The following GRIA1 variants were observed in gnomAD, a reference collection of about 807,000 sequenced individuals.
GRIA1 encodes glutamate receptor 1.
Under a neutral mutation model 99.2 loss-of-function variants are expected in GRIA1, and 31 were observed. The observed-to-expected ratio is 0.31, with a 90% confidence interval of 0.23 to 0.42. The LOEUF is 0.42. Ranked by LOEUF, GRIA1 falls within the 10% of genes least tolerant of loss-of-function variation. The probability of loss-of-function intolerance (pLI) is 1.00; values close to 1 mark genes in which losing one functional copy is unlikely to be tolerated. For synonymous variants in GRIA1, 438 were observed against 432.4 expected (o/e 1.01, Z -0.16); for missense variants, 782 against 1,157.5 (o/e 0.68, Z 4.71).
At chr5:153,602,344 C>T (rs1765049007) in intron 2 of GRIA1, among the ~76,000 whole-genome samples, 1 of 148,632 alleles carries the variant, frequency 6.7e-6, no homozygotes, top group South Asian at 2.1e-4. Flanking sequence ...AACACATGGA[C>T]ACAGGAAGGG....
chr5:153,642,042 G>T (rs895150378), intron 2 of GRIA1, among the ~76,000 whole-genome samples: 30 of 152,204 alleles, frequency 2.0e-4, no homozygotes, highest in African/African-American at 7.2e-4. Context: ...TATGTGTATA[G>T]ACTTCCCAGG....
chr5:153,764,397 G>A, intron 11 of GRIA1, 37 bp from the exon 12 acceptor site: 3 of 1,535,650 alleles, frequency 2.0e-6, no homozygotes, highest in Non-Finnish European at 2.7e-6. Flanking sequence ...CACAGTTGAT[G>A]TCCATGCTGC....
intron 2 of GRIA1, among the ~76,000 whole-genome samples, chr5:153,521,157 G>C (rs1467559397): frequency 6.6e-6 from 1 of 152,210 alleles, no homozygotes; most frequent in African/African-American, 2.4e-5. Context: ...TGTTAGCTTG[G>C]CATGAAGGAT....
At chr5:153,508,421 T>C (rs1262915897) in intron 2 of GRIA1, among the ~76,000 whole-genome samples, 1 of 152,050 alleles carries the variant, frequency 6.6e-6, no homozygotes, top group Admixed American at 6.5e-5. Flanking sequence ...TAGACAGTGC[T>C]AATCTAGATT....
intron 2 of GRIA1, among the ~76,000 whole-genome samples, chr5:153,506,316 G>GGTGTGTGTGTGTGTGTGTGTGT (rs61220170): frequency 1.1e-4 from 16 of 140,416 alleles, no homozygotes; most frequent in African/African-American, 3.8e-4. Flanking sequence ...TGGCAAGAAG[G>GGTGTGTGTGTGTGTGTGTGTGT]GTGTGTGTGT....
Position 153,712,524 on chromosome 5 carries a change from C to A in GRIA1, c.1823+6457C>A, listed in dbSNP as rs1446858436. Among the ~76,000 whole-genome samples, 5 of 152,028 alleles carry A rather than the reference C, an allele frequency of 3.3e-5. No homozygotes were observed. In the East Asian group the frequency reaches 9.6e-4, roughly 29 times the overall value. On this transcript the variant is annotated intron_variant, in intron 11 of 15. Transcript: ENST00000285900. ...ACCTTCCTCTTTCCCCTCTTTCCCCCTCCTGCTCTCTGTCCTCCCATCCCA... is the reference window on the plus strand; with the variant it reads ...ACCTTCCTCTTTCCCCTCTTTCCCCATCCTGCTCTCTGTCCTCCCATCCCA...
intron 2 of GRIA1, among the ~76,000 whole-genome samples, chr5:153,630,141 T>TA (rs1261908410): frequency 6.6e-6 from 1 of 152,214 alleles, no homozygotes; most frequent in Non-Finnish European, 1.5e-5. Context: ...CTTAAGCTGT[T>TA]ACAGAGATTA....
At chr5:153,686,397 G>A in intron 8 of GRIA1, 68 bp downstream of exon 8, 2 of 1,108,580 alleles carry the variant, frequency 1.8e-6, no homozygotes, top group Non-Finnish European at 1.4e-6. Flanking sequence ...CCAGAGCTGA[G>A]GGCCTGTGAG....
intron 2 of GRIA1, among the ~76,000 whole-genome samples, chr5:153,523,130 T>C (rs1253345197): frequency 6.6e-6 from 1 of 151,998 alleles, no homozygotes; most frequent in African/African-American, 2.4e-5. Context: ...CCTTGTCTGA[T>C]TGGGTAAGTT....
At chr5:153,789,316 T>G (rs1483451242) in intron 13 of GRIA1, among the ~76,000 whole-genome samples, 3 of 122,638 alleles carry the variant, frequency 2.4e-5, no homozygotes, top group Non-Finnish European at 3.8e-5. Flanking sequence ...CTTTTGATAT[T>G]ACATATATAT....
intron 2 of GRIA1, among the ~76,000 whole-genome samples, chr5:153,539,876 C>T (rs530467546): frequency 2.0e-5 from 3 of 152,266 alleles, no homozygotes; most frequent in East Asian, 1.9e-4. Flanking sequence ...AAGAGGTCTC[C>T]GTTTCAGCAG....
At chr5:153,788,791 A>G (rs1022524314) in intron 13 of GRIA1, among the ~76,000 whole-genome samples, 4 of 152,208 alleles carry the variant, frequency 2.6e-5, no homozygotes, top group African/African-American at 7.2e-5. Flanking sequence ...AGCTATATTC[A>G]TGGTTATTAA....
At chr5:153,577,448 C>T (rs1033190030) in intron 2 of GRIA1, among the ~76,000 whole-genome samples, 25 of 152,104 alleles carry the variant, frequency 1.6e-4, no homozygotes, top group African/African-American at 6.0e-4. Flanking sequence ...AGGCCCTCAC[C>T]CCTATGGCTG....
chr5:153,593,573 T>C (rs191576944), intron 2 of GRIA1, among the ~76,000 whole-genome samples: 109 of 151,278 alleles, frequency 7.2e-4, no homozygotes, highest in African/African-American at 2.4e-3. Context: ...TTTTTGTTTG[T>C]TTGCTTGCTT....
At chr5:153,678,826 T>TCCACGTCCAGCTGGGCC (rs1458175130) in intron 7 of GRIA1, among the ~76,000 whole-genome samples, 1 of 152,202 alleles carries the variant, frequency 6.6e-6, no homozygotes, top group Non-Finnish European at 1.5e-5. Flanking sequence ...AGAGCTGGAC[T>TCCACGTCCAGCTGGGCC]CCACGTCCAG....
At chr5:153,735,799 A>C (rs1761339950) in intron 11 of GRIA1, among the ~76,000 whole-genome samples, 1 of 152,214 alleles carries the variant, frequency 6.6e-6, no homozygotes, top group Non-Finnish European at 1.5e-5. Context: ...AGGGATAGAG[A>C]ACAGTTAATG....
intron 1 of GRIA1, among the ~76,000 whole-genome samples, chr5:153,491,886 G>A (rs1289924485): frequency 6.6e-6 from 1 of 152,100 alleles, no homozygotes; most frequent in Non-Finnish European, 1.5e-5. Flanking sequence ...TATTTCTGAG[G>A]GGACTGACAG....
intron 10 of GRIA1, among the ~76,000 whole-genome samples, chr5:153,700,114 G>A (rs1334249722): frequency 6.6e-6 from 1 of 152,238 alleles, no homozygotes; most frequent in Non-Finnish European, 1.5e-5. Context: ...GCCGGGCACA[G>A]TGGCTCACGC....
intron 5 of GRIA1, among the ~76,000 whole-genome samples, chr5:153,669,047 A>G (rs1486794825): frequency 6.6e-6 from 1 of 152,214 alleles, no homozygotes; most frequent in African/African-American, 2.4e-5. Flanking sequence ...GAAATTTCCA[A>G]AGGTCTCTTA....
Sources: gnomAD v4.1 joint callset for allele counts (sites outside exome capture counted in the v4.1 genomes callset) on GRCh38, gnomAD v4.1.1 for gene constraint, MANE v1.5 for transcripts, NCBI Gene and HGNC (gene_info 2026-07-23, HGNC 2026-07-21) for gene names.